RABGAP1: variants seen among roughly 807,000 people sequenced by gnomAD.
RABGAP1 encodes the protein RAB GTPase activating protein 1.
RABGAP1 carries 23 observed loss-of-function variants against 137.6 expected under a neutral mutation model. That is an observed-to-expected ratio of 0.17 (90% CI 0.12 to 0.24). The LOEUF is 0.24. Ranked by LOEUF, RABGAP1 falls within the 10% of genes least tolerant of loss-of-function variation. RABGAP1 has a pLI of 1.00. For missense variants in RABGAP1, 906 were observed against 1,275.8 expected (o/e 0.71, Z 4.42); for synonymous variants, 451 against 450.7 (o/e 1.00, Z -0.01).
chr9:122,953,346 C>A (rs939818282), intron 1 of RABGAP1, among the ~76,000 whole-genome samples: 1 of 151,374 alleles, frequency 6.6e-6, no homozygotes, highest in African/African-American at 2.4e-5. Flanking sequence ...ATAACATTAC[C>A]TCTATGGAAA....
At chr9:123,034,613 T>A (rs568225141) in intron 13 of RABGAP1, 2 of 1,613,512 alleles carry the variant, frequency 1.2e-6, no homozygotes, top group South Asian at 2.2e-5. Context: ...CCTTTTTGCC[T>A]CTTGGCATTT....
intron 2 of RABGAP1, among the ~76,000 whole-genome samples, chr9:122,974,471 A>G (rs1835661681): frequency 7.0e-6 from 1 of 143,366 alleles, no homozygotes; most frequent in Non-Finnish European, 1.5e-5. Context: ...TGATATAGAA[A>G]ACCAGGCAGT....
intron 2 of RABGAP1, among the ~76,000 whole-genome samples, chr9:122,969,114 A>G (rs1379638949): frequency 2.0e-5 from 3 of 152,168 alleles, no homozygotes; most frequent in African/African-American, 4.8e-5. Context: ...TTATAATACC[A>G]TATTTTTATT....
chr9:123,032,344 C>T (rs2131981828), intron 13 of RABGAP1, among the ~76,000 whole-genome samples: 1 of 152,280 alleles, frequency 6.6e-6, no homozygotes, highest in South Asian at 2.1e-4. Flanking sequence ...GAATTTGAAC[C>T]TGATTATTGT....
chr9:122,945,145 TGC>T (rs1198128338), intron 1 of RABGAP1, among the ~76,000 whole-genome samples: 5 of 122,078 alleles, frequency 4.1e-5, no homozygotes, highest in East Asian at 3.2e-4. Flanking sequence ...TCATAGCTGT[TGC>T]TTTTTTTTTT....
chr9:123,020,366 C>T lies in RABGAP1; in HGVS notation c.1701C>T (p.Val567=). 1.9e-6 allele frequency: 3 copies of T among 1,605,406 alleles called. No homozygotes were observed. The highest frequency in any genetic ancestry group is 1.7e-6 in the Non-Finnish European group (2 of 1,175,458). ...KQLSSLVRNG[V]PEALRGEVWQ... is the part of the protein sequence containing the mutation. ...TGTCATCCTTAGTAAGAAACGGTGT[C>T]CCTGAAGCTCTTCGAGGAGAAGTCT... The change falls in exon 13 of 26, where the codon GTC becomes GTT. Residue 567 remains valine (V), a synonymous_variant. Coordinates refer to ENST00000373647, the MANE Select transcript of RABGAP1 (RefSeq NM_012197.4).
chr9:122,949,823 A>C (rs1022220088), intron 1 of RABGAP1, among the ~76,000 whole-genome samples: 1 of 152,176 alleles, frequency 6.6e-6, no homozygotes, highest in Non-Finnish European at 1.5e-5. Context: ...ACACTGCAGA[A>C]GGGAAAGGGG....
chr9:122,951,983 A>G (rs1393727299), intron 1 of RABGAP1, among the ~76,000 whole-genome samples: 2 of 152,232 alleles, frequency 1.3e-5, no homozygotes, highest in Non-Finnish European at 2.9e-5. Flanking sequence ...CAAAAAGTTC[A>G]TGGAGTTTTG....
intron 10 of RABGAP1, among the ~76,000 whole-genome samples, chr9:123,001,385 A>G (rs1009537759): frequency 3.9e-5 from 6 of 152,202 alleles, no homozygotes; most frequent in Non-Finnish European, 8.8e-5. Context: ...ATGAAAGTGT[A>G]TGTGGGGCTT....
intron 13 of RABGAP1, among the ~76,000 whole-genome samples, chr9:123,051,215 G>A (rs2033443636): frequency 6.5e-5 from 2 of 30,954 alleles, no homozygotes; most frequent in African/African-American, 2.6e-4. Context: ...TATTCACCTT[G>A]GTTTTTTTTT....
chr9:123,074,622 G>T (rs190021223), intron 17 of RABGAP1, among the ~76,000 whole-genome samples, 194 bp downstream of exon 17: 19 of 152,340 alleles, frequency 1.2e-4, no homozygotes, highest in Non-Finnish European at 2.6e-4. Context: ...GGTGTACTCT[G>T]AAAAGACGTA....
upstream of RABGAP1, among the ~76,000 whole-genome samples, chr9:122,936,311 T>G (rs566279093): frequency 2.6e-5 from 4 of 152,344 alleles, no homozygotes; most frequent in African/African-American, 9.6e-5. Flanking sequence ...TACTGTTCAC[T>G]TTTCTTCATT....
chr9:123,012,847 G>A (rs2030924361), intron 11 of RABGAP1, among the ~76,000 whole-genome samples: 1 of 152,204 alleles, frequency 6.6e-6, no homozygotes, highest in Non-Finnish European at 1.5e-5. Context: ...GTGTAGCCAT[G>A]CTATCTTTTA....
intron 13 of RABGAP1, among the ~76,000 whole-genome samples, chr9:123,026,389 G>A (rs2031971906): frequency 6.6e-6 from 1 of 152,084 alleles, no homozygotes; most frequent in Non-Finnish European, 1.5e-5. Context: ...TATTAGGAAT[G>A]TTACTGAATT....
intron 13 of RABGAP1, among the ~76,000 whole-genome samples, chr9:123,053,124 T>G (rs1195275207): frequency 2.6e-5 from 4 of 152,210 alleles, no homozygotes; most frequent in Admixed American, 6.5e-5. Context: ...ACAAAGCTAT[T>G]AAGAGAAAAC....
chr9:122,938,709 GA>G (rs1321686389), upstream of RABGAP1: 2 of 152,142 alleles, frequency 1.3e-5, no homozygotes, highest in East Asian at 3.9e-4. Flanking sequence ...TAACATGTTA[GA>G]TTCATAACGT....
intron 1 of RABGAP1, among the ~76,000 whole-genome samples, chr9:122,944,324 G>A (rs1057376239): frequency 6.6e-6 from 1 of 151,088 alleles, no homozygotes; most frequent in Non-Finnish European, 1.5e-5. Flanking sequence ...TGAACTTCTG[G>A]GCACCAGTGA....
intron 2 of RABGAP1, among the ~76,000 whole-genome samples, chr9:122,971,197 A>T (rs907040633): frequency 4.6e-5 from 7 of 152,254 alleles, no homozygotes. Context: ...AAGGAAACTT[A>T]CATTTCTTAG....
intron 10 of RABGAP1, 89 bp downstream of exon 10, chr9:122,998,855 C>T: frequency 1.3e-6 from 1 of 796,906 alleles, no homozygotes; most frequent in Non-Finnish European, 1.9e-6. Flanking sequence ...GATCTTTAAA[C>T]AGTCATGTGT....
Sources: allele counts gnomAD v4.1 joint callset (sites outside exome capture counted in the v4.1 genomes callset), GRCh38; gene constraint gnomAD v4.1.1; transcripts MANE v1.5; gene names NCBI Gene and HGNC (gene_info 2026-07-23, HGNC 2026-07-21).